The following CDKL3 variants were observed in gnomAD, a reference collection of about 807,000 sequenced individuals.
CDKL3 encodes cyclin-dependent kinase-like 3.
A neutral mutation model predicts 69.3 loss-of-function variants in CDKL3; 65 were observed. The observed-to-expected ratio is 0.94, with a 90% CI of 0.77 to 1.15. The LOEUF is 1.15. Among genes scored for constraint, CDKL3 ranks in the 50% most tolerant of loss-of-function variants. The pLI, the probability that CDKL3 is intolerant of heterozygous loss-of-function variation, is 0.00. For missense variants in CDKL3, 652 were observed against 689.2 expected, an observed-to-expected ratio of 0.95 and a Z score of 0.61; for synonymous variants, 202 against 221.6, an observed-to-expected ratio of 0.91 and a Z score of 0.79.
At chr5:134,342,670 C>T (rs1750803891) in intron 4 of CDKL3, among the ~76,000 whole-genome samples, 1 of 151,702 alleles carries the variant, frequency 6.6e-6, no homozygotes. Flanking sequence ...ATTCTAAATT[C>T]ACAGATTAGA....
chr5:134,327,962 G>C (rs570612070), intron 4 of CDKL3, among the ~76,000 whole-genome samples: 1 of 152,162 alleles, frequency 6.6e-6, no homozygotes, highest in East Asian at 1.9e-4. Flanking sequence ...GGGGGCTGGG[G>C]GTATTGGCTC....
chr5:134,293,286 C>T (rs986276561), intron 8 of CDKL3, among the ~76,000 whole-genome samples: 7 of 151,952 alleles, frequency 4.6e-5, no homozygotes, highest in Non-Finnish European at 1.0e-4. Flanking sequence ...TCCCAAAATG[C>T]TGGGATTACA....
upstream of CDKL3, chr5:134,371,391 C>A: frequency 1.4e-6 from 1 of 697,500 alleles, no homozygotes; most frequent in East Asian, 2.7e-5. Context: ...CCTCCCCCAG[C>A]ACTCACACTG....
chr5:134,310,136 C>T (rs1452766511), intron 7 of CDKL3, among the ~76,000 whole-genome samples: 2 of 151,562 alleles, frequency 1.3e-5, no homozygotes, highest in Non-Finnish European at 2.9e-5. Flanking sequence ...CAGCCAATAA[C>T]TGCCACTTTT....
At chr5:134,350,769 C>T (rs2286388) in intron 3 of CDKL3, among the ~76,000 whole-genome samples, 20,046 of 143,344 alleles carry the variant, frequency 0.14, 1,616 homozygotes, top group African/African-American at 0.22. Context: ...CACTTGAGGC[C>T]AGGAGTTTGA....
At chr5:134,330,263 G>A (rs1775453338) in intron 4 of CDKL3, among the ~76,000 whole-genome samples, 1 of 151,864 alleles carries the variant, frequency 6.6e-6, no homozygotes, top group African/African-American at 2.4e-5. Flanking sequence ...AGAATGAGGA[G>A]GAACTAAATC....
intron 4 of CDKL3, among the ~76,000 whole-genome samples, chr5:134,324,618 C>G (rs1773638220): frequency 6.6e-6 from 1 of 152,020 alleles, no homozygotes; most frequent in Non-Finnish European, 1.5e-5. Flanking sequence ...CTATGTGATT[C>G]CAACTATATG....
intron 4 of CDKL3, among the ~76,000 whole-genome samples, chr5:134,327,043 C>T (rs909086627): frequency 2.6e-5 from 4 of 151,934 alleles, no homozygotes; most frequent in African/African-American, 7.2e-5. Flanking sequence ...TCTAGGGCTC[C>T]CTCTTCCTCC....
intron 4 of CDKL3, among the ~76,000 whole-genome samples, chr5:134,337,311 G>A (rs1777364455): frequency 6.6e-6 from 1 of 152,122 alleles, no homozygotes; most frequent in Non-Finnish European, 1.5e-5. Context: ...GCACTTCCTG[G>A]GTGAGGCGAC....
At chr5:134,301,000 A>AT (rs755292672) in intron 12 of CDKL3, among the ~76,000 whole-genome samples, 6,817 of 146,196 alleles carry the variant, frequency 0.047, 377 homozygotes, top group African/African-American at 0.14. Context: ...CTATTAATGG[A>AT]TTTTTTTTTT....
chr5:134,361,431 T>A (rs1443925058), intron 2 of CDKL3, among the ~76,000 whole-genome samples: 1 of 152,140 alleles, frequency 6.6e-6, no homozygotes, highest in Non-Finnish European at 1.5e-5. Context: ...TTCATTCCAA[T>A]AACACAGTGT....
In CDKL3 at chr5:134,292,641, A is replaced by G. The variant is rs1452595790; in HGVS notation, c.*678-6082T>C. Among the ~76,000 whole-genome samples, 3 of 152,058 alleles carry G rather than the reference A, an allele frequency of 2.0e-5. No homozygotes were observed. In the East Asian group the frequency reaches 5.8e-4, roughly 29 times the overall value. ...ATAGAAAACAAACAATAGAAATAAT[A>G]AAACAAAAAGCAGTTCTTTGAAAAG... On this transcript the variant is annotated intron_variant and NMD_transcript_variant, in intron 8 of 8. Coordinates refer to the CDKL3 transcript ENST00000519312.
intron 8 of CDKL3, among the ~76,000 whole-genome samples, chr5:134,287,070 G>A (rs1292598130): frequency 6.6e-6 from 1 of 152,084 alleles, no homozygotes; most frequent in Admixed American, 6.6e-5. Context: ...AACTGCCAGG[G>A]AAACAGGTAG....
intron 2 of CDKL3, among the ~76,000 whole-genome samples, chr5:134,361,339 G>A (rs1755962274): frequency 6.6e-6 from 1 of 151,380 alleles, no homozygotes; most frequent in African/African-American, 2.4e-5. Flanking sequence ...TCCTGCCTTG[G>A]CCTCCCAAGT....
chr5:134,286,710 G>T (rs950803983), intron 8 of CDKL3, among the ~76,000 whole-genome samples: 2 of 152,124 alleles, frequency 1.3e-5, no homozygotes, highest in African/African-American at 4.8e-5. Context: ...AGCTTGTGCA[G>T]GAAAACTCCC....
chr5:134,351,793 A>T (rs1753373099), intron 3 of CDKL3, among the ~76,000 whole-genome samples: 1 of 152,150 alleles, frequency 6.6e-6, no homozygotes, highest in Non-Finnish European at 1.5e-5. Flanking sequence ...ATTTTAATTG[A>T]TAAATTAAAA....
At chr5:134,325,927 C>CTTTTTTTTTTTT (rs10706943) in intron 4 of CDKL3, among the ~76,000 whole-genome samples, 3 of 82,834 alleles carry the variant, frequency 3.6e-5, no homozygotes, top group Admixed American at 1.6e-4. Flanking sequence ...CCACGCCTGG[C>CTTTTTTTTTTTT]TTTTTTTTTT....
chr5:134,353,596 G>A (rs1386768312), intron 3 of CDKL3, among the ~76,000 whole-genome samples: 1 of 147,814 alleles, frequency 6.8e-6, no homozygotes, highest in East Asian at 2.0e-4. Flanking sequence ...TTTGTCACCA[G>A]GCTGGAGTGC....
At chr5:134,283,533 C>G (rs149554303), downstream of CDKL3, among the ~76,000 whole-genome samples, 299 of 147,884 alleles carry the variant, frequency 2.0e-3, 3 homozygotes, top group Middle Eastern at 0.028. Flanking sequence ...ATCACAAGAA[C>G]AGCATGGAAA....
Sources: allele counts gnomAD v4.1 joint callset (sites outside exome capture counted in the v4.1 genomes callset), GRCh38; gene constraint gnomAD v4.1.1; transcripts MANE v1.5; gene names NCBI Gene and HGNC (gene_info 2026-07-23, HGNC 2026-07-21).